NFIA: variants seen among roughly 807,000 people sequenced by gnomAD.
NFIA encodes the protein nuclear factor I A, also known as nuclear factor 1 A-type.
In NFIA, 8 loss-of-function variants were observed where a neutral mutation model predicts 62.8. The ratio of observed to expected loss-of-function variants is 0.13; its 90% CI spans 0.07 to 0.23. NFIA has a LOEUF of 0.23. Among genes scored for constraint, NFIA ranks in the 10% least tolerant of loss-of-function variants. The pLI is 1.00. For synonymous variants in NFIA, 235 were observed against 238.1 expected (o/e 0.99, Z 0.12); for missense variants, 410 against 642.1 (o/e 0.64, Z 3.91).
At chr1:61,204,347 A>G (rs1305649222) in intron 2 of NFIA, among the ~76,000 whole-genome samples, 2 of 152,232 alleles carry the variant, frequency 1.3e-5, no homozygotes, top group Non-Finnish European at 2.9e-5. Context: ...TGTAGTTTCT[A>G]GAAGGTTGGC....
rs184361456 is a variant in NFIA, at chr1:61,206,531, G to A, written c.560-70989G>A. On this transcript the variant is annotated intron_variant, in intron 2 of 10. Transcript: ENST00000403491. The stretch of plus-strand genomic sequence containing the variant: ...CTAGCATTTTATCTCTTTTGGATGT[G>A]AGCATGATTAGAAGTCAGTCTGAAG... 2.8e-3 allele frequency among the ~76,000 whole-genome samples: 422 copies of A among 152,284 alleles called. 1 individual carries two copies. The highest frequency in any genetic ancestry group is 4.9e-3 in the Non-Finnish European group (331 of 68,030).
intron 3 of NFIA, among the ~76,000 whole-genome samples, chr1:61,282,556 G>C (rs1210757615): frequency 6.6e-6 from 1 of 152,158 alleles, no homozygotes; most frequent in East Asian, 1.9e-4. Context: ...TGAGGATAAA[G>C]CTCATGTGAT....
At chr1:61,378,262 C>T (rs958654539) in intron 6 of NFIA, among the ~76,000 whole-genome samples, 5 of 152,142 alleles carry the variant, frequency 3.3e-5, no homozygotes, top group African/African-American at 7.2e-5. Flanking sequence ...TTTTTTCCCA[C>T]GTCACTCAAT....
At chr1:61,131,982 C>G (rs1286188435) in intron 2 of NFIA, among the ~76,000 whole-genome samples, 1 of 152,106 alleles carries the variant, frequency 6.6e-6, no homozygotes, top group Non-Finnish European at 1.5e-5. Flanking sequence ...TGTTCCTACT[C>G]CTGGCTTTAC....
At position 61,460,318 on chromosome 1, in the gene NFIA, C is replaced by G. The variant is rs1002226556; in HGVS notation, c.*4998C>G. On this transcript the variant is annotated 3_prime_UTR_variant, in exon 11 of 11. Coordinates refer to ENST00000403491, the MANE Select transcript of NFIA (RefSeq NM_001134673.4). ...GGATGAAAATTGCTTTGATATATAG[C>G]AGGTAACATTGAAGCTATTCCATAG... 6.6e-6 allele frequency: 1 copy of G among 152,180 alleles called. No homozygotes were observed. The highest frequency in any genetic ancestry group is 1.5e-5 in the Non-Finnish European group (1 of 68,038). The allele number at this position is 152,180 out of a possible 1,614,324, so 9.4% of individuals were successfully genotyped here.
rs756445707 is a variant in NFIA at position 61,455,367 on chromosome 1, C to T, written c.*47C>T. Reference sequence around the variant, plus strand: ...CACCAGACAGACCACCTGACCCCTTCTCAACTCTGTAACATGGACGCAACC... The same window carrying T: ...CACCAGACAGACCACCTGACCCCTTTTCAACTCTGTAACATGGACGCAACC... On this transcript the variant is annotated 3_prime_UTR_variant, in exon 11 of 11. Transcript: ENST00000403491. 6.2e-7 allele frequency: 1 copy of T among 1,614,124 alleles called. No homozygotes were observed. Among genetic ancestry groups the T allele is most frequent in the Non-Finnish European group, 8.5e-7 (1 of 1,180,002 alleles).
intron 10 of NFIA, among the ~76,000 whole-genome samples, chr1:61,447,737 T>C (rs1473405581): frequency 1.3e-5 from 2 of 152,158 alleles, no homozygotes; most frequent in Non-Finnish European, 2.9e-5. Context: ...GCTGTCTCTT[T>C]CATAAAAAGA....
intron 2 of NFIA, among the ~76,000 whole-genome samples, chr1:61,176,994 T>TG (rs1650410133): frequency 6.6e-6 from 1 of 151,868 alleles, no homozygotes; most frequent in Non-Finnish European, 1.5e-5. Context: ...TAGTCCCAGC[T>TG]ACTCGGCAGG....
chr1:61,257,864 T>TTG (rs1333230993), intron 2 of NFIA, among the ~76,000 whole-genome samples: 1 of 144,430 alleles, frequency 6.9e-6, no homozygotes. Context: ...CTTAGCTGTT[T>TTG]TTTTTTTTTT....
chr1:61,138,565 G>GTTTA (rs111808933), intron 2 of NFIA, among the ~76,000 whole-genome samples: 2,319 of 142,578 alleles, frequency 0.016, 35 homozygotes, highest in African/African-American at 0.033. Flanking sequence ...TTGTTTGTTT[G>GTTTA]TTTATTTATT....
intron 9 of NFIA, among the ~76,000 whole-genome samples, chr1:61,413,582 A>G (rs1666205079): frequency 1.4e-5 from 2 of 147,500 alleles, no homozygotes; most frequent in Non-Finnish European, 3.0e-5. Flanking sequence ...GCTGTCTGCT[A>G]CTGTCAGAAA....
At chr1:61,349,858 G>A (rs1024589886) in intron 4 of NFIA, among the ~76,000 whole-genome samples, 1 of 152,070 alleles carries the variant, frequency 6.6e-6, no homozygotes, top group African/African-American at 2.4e-5. Flanking sequence ...TTCCCAAAGT[G>A]CTGTGATTAT....
At chr1:61,140,897 G>T (rs573286808) in intron 2 of NFIA, among the ~76,000 whole-genome samples, 1 of 151,716 alleles carries the variant, frequency 6.6e-6, no homozygotes, top group South Asian at 2.1e-4. Context: ...ATTAACAGGG[G>T]CCAGCAGTGT....
At chr1:61,192,871 C>T (rs1455501566) in intron 2 of NFIA, among the ~76,000 whole-genome samples, 2 of 152,148 alleles carry the variant, frequency 1.3e-5, no homozygotes, top group African/African-American at 4.8e-5. Flanking sequence ...TAATGTGTCT[C>T]ATTAGCAACA....
chr1:61,090,794 C>G (rs150226117), intron 2 of NFIA, among the ~76,000 whole-genome samples: 2 of 152,078 alleles, frequency 1.3e-5, no homozygotes, highest in African/African-American at 4.8e-5. Flanking sequence ...TTCACGGGAC[C>G]GCAGTAATGG....
Position 61,359,128 on chromosome 1 carries a change from C to A in NFIA, c.819-19C>A, listed in dbSNP as rs761308774. ...GTGGTTGCGATTGCTTTTAAACATG[C>A]ACCCATTTGTTATTTCAGCTCCACA... On this transcript the variant is annotated intron_variant, in intron 5 of 10. Transcript: ENST00000403491. 5.6e-6 allele frequency: 9 copies of A among 1,611,760 alleles called. No individual in the cohort carries two copies. Among genetic ancestry groups the A allele is most frequent in the Admixed American group, 1.7e-5 (1 of 59,820 alleles).
intron 10 of NFIA, among the ~76,000 whole-genome samples, chr1:61,450,600 C>T (rs1204994606): frequency 6.6e-6 from 1 of 152,152 alleles, no homozygotes; most frequent in Non-Finnish European, 1.5e-5. Context: ...CCTGTGTTTG[C>T]ACATTTCCGT....
At chr1:61,081,830 C>CAGTTGG, upstream of NFIA, 3 of 1,498,764 alleles carry the variant, frequency 2.0e-6, no homozygotes, top group Admixed American at 2.1e-5. Context: ...GCCGACGAAT[C>CAGTTGG]TATTCCCACA....
At chr1:61,447,743 A>G (rs1372645859) in intron 10 of NFIA, among the ~76,000 whole-genome samples, 1 of 152,210 alleles carries the variant, frequency 6.6e-6, no homozygotes, top group Non-Finnish European at 1.5e-5. Flanking sequence ...TCTTTCATAA[A>G]AAGATTTACA....
Sources: gnomAD v4.1 joint callset for allele counts (sites outside exome capture counted in the v4.1 genomes callset) on GRCh38, gnomAD v4.1.1 for gene constraint, MANE v1.5 for transcripts, NCBI Gene and HGNC (gene_info 2026-07-23, HGNC 2026-07-21) for gene names.